HOOK2: variants seen among roughly 807,000 people sequenced by gnomAD.
HOOK2 encodes the protein protein Hook homolog 2.
In HOOK2, 108 loss-of-function variants were observed where a neutral mutation model predicts 111.9. That is an observed-to-expected ratio of 0.96 (90% CI 0.83 to 1.13). HOOK2 has a LOEUF of 1.13. Ranked by LOEUF, HOOK2 falls within the 50% of genes most tolerant of loss-of-function variation. The pLI, the probability that HOOK2 is intolerant of heterozygous loss-of-function variation, is 0.00. For synonymous variants in HOOK2, 405 were observed against 394.3 expected, an observed-to-expected ratio of 1.03 and a Z score of -0.32; for missense variants, 978 against 951.3, an observed-to-expected ratio of 1.03 and a Z score of -0.37.
At chr19:12,789,207 GAGAGACAGAGAC>G (rs879800246) in intron 3 of HOOK2, among the ~76,000 whole-genome samples, 2 of 135,020 alleles carry the variant, frequency 1.5e-5, no homozygotes, top group African/African-American at 7.0e-5. Flanking sequence ...GAGAGAGAGA[GAGAGACAGAGAC>G]AGAGACAGAG....
chr19:12,782,646 TGCGTGCGC>T (rs1211480387), upstream of HOOK2, among the ~76,000 whole-genome samples: 1 of 151,958 alleles, frequency 6.6e-6, no homozygotes, highest in Non-Finnish European at 1.5e-5. Flanking sequence ...CTGCACTGGC[TGCGTGCGC>T]GCGTGCGTGG....
rs1012017189 is a variant in HOOK2 at position 12,790,046 on chromosome 19, C to T, written n.42-15821G>A. The stretch of plus-strand genomic sequence containing the variant: ...GCCATGGCGACCAGGCCCCGCTCCT[C>T]GGCTGCGTCCCCCGCCGTCGGGCCA... On this transcript the variant is annotated intron_variant and non_coding_transcript_variant, in intron 3 of 3. Coordinates refer to the HOOK2 transcript ENST00000589765. The surrounding 1 kb of genome is among the most constrained non-coding windows in gnomAD (Gnocchi z 7.2). Among the ~76,000 whole-genome samples, 6 of 152,222 alleles carry T rather than the reference C, an allele frequency of 3.9e-5. No individual in the cohort carries two copies. The highest frequency in any genetic ancestry group is 8.8e-5 in the Non-Finnish European group (6 of 68,018).
Position 12,771,079 on chromosome 19 carries a change from G to A in HOOK2, c.762-7C>T, listed in dbSNP as rs766457016. On this transcript the variant is annotated splice_polypyrimidine_tract_variant and splice_region_variant and intron_variant, in intron 9 of 22. Coordinates refer to ENST00000397668, the MANE Select transcript of HOOK2 (RefSeq NM_013312.3). ...CTCCCTGCCACTCTCCAGCCTGGGG[G>A]TGTTGGGGGAAGAGCACATGAGGGG... 5.6e-6 allele frequency: 9 copies of A among 1,612,262 alleles called. No individual in the cohort carries two copies. The highest frequency in any genetic ancestry group is 2.7e-5 in the African/African-American group (2 of 74,894).
upstream of HOOK2, among the ~76,000 whole-genome samples, chr19:12,782,228 C>T (rs1968609530): frequency 6.6e-6 from 1 of 152,194 alleles, no homozygotes; most frequent in Non-Finnish European, 1.5e-5. Flanking sequence ...GCTCTGTTTG[C>T]GTCCCTATCA....
At chr19:12,768,908 G>C (rs926371436) in intron 11 of HOOK2, among the ~76,000 whole-genome samples, 5 of 150,750 alleles carry the variant, frequency 3.3e-5, no homozygotes, top group Middle Eastern at 3.4e-3. Context: ...AGCTATTCTC[G>C]TGCTTCAGCT....
At chr19:12,774,603 C>T (rs1391675252) in intron 3 of HOOK2, 66 bp downstream of exon 3, 2 of 1,472,548 alleles carry the variant, frequency 1.4e-6, no homozygotes, top group Non-Finnish European at 1.9e-6. Context: ...AGGACATGTG[C>T]CTAGCTGGCC....
chr19:12,771,474 G>C lies in HOOK2; in HGVS notation c.523C>G (p.Arg175Gly), dbSNP rs773872615. The C allele has an allele frequency of 6.2e-7, 1 of 1,611,016 alleles. No individual in the cohort carries two copies. The highest frequency in any genetic ancestry group is 1.7e-5 in the Admixed American group (1 of 59,638). ...ETYGNFDSQS[R>G]RYYFLSEEAE... is the part of the protein sequence containing the mutation. ...TCCTCACTTAGGAAATAGTACCTGC[G>C]GGACTGCAGAGATGAGGGGGAAGAG... Residue 175 changes from arginine to glycine, a missense_variant, in exon 8 of 23, where the codon CGC (arginine) becomes GGC (glycine). Transcript: ENST00000397668.
At chr19:12,765,275 C>T (rs1383050233) in intron 18 of HOOK2, 194 bp from the exon 19 acceptor site, 11 of 623,568 alleles carry the variant, frequency 1.8e-5, no homozygotes, top group South Asian at 3.8e-5. Context: ...CACAACCCTC[C>T]GCACCCTTAG....
rs555538109 is a variant in HOOK2 at position 12,786,761 on chromosome 19, C to T, written n.42-12536G>A. On this transcript the variant is annotated intron_variant and non_coding_transcript_variant, in intron 3 of 3. Coordinates refer to the HOOK2 transcript ENST00000589765. The surrounding 1 kb of genome is among the most constrained non-coding windows in gnomAD (Gnocchi z 4.3). ...TCCCTGTCTGGCCCAATCTCCACCC[C>T]GTGCTCAAACACCCATGCAGAGTGT... 7.9e-5 allele frequency among the ~76,000 whole-genome samples: 12 copies of T among 152,340 alleles called. No homozygotes were observed. The highest frequency in any genetic ancestry group is 3.9e-4 in the East Asian group (2 of 5,172).
Position 12,791,804 on chromosome 19 carries a change from C to T in HOOK2, n.42-17579G>A, listed in dbSNP as rs1347227944. ...CTAAAATGGAACAGCCCTTCTACCA[C>T]GACGACTCATACACAGCTACGGGAT... On this transcript the variant is annotated intron_variant and non_coding_transcript_variant, in intron 3 of 3. Coordinates refer to the HOOK2 transcript ENST00000589765. This position sits in a 1 kb window ranked among gnomAD's most constrained non-coding sequence, Gnocchi z 7.0. The T allele has an allele frequency of 4.3e-6, 7 of 1,612,542 alleles. No homozygotes were observed. The highest frequency in any genetic ancestry group is 1.3e-5 in the African/African-American group (1 of 74,876).
intron 20 of HOOK2, 58 bp from the exon 21 acceptor site, chr19:12,763,836 A>ATGTCC: frequency 8.7e-7 from 1 of 1,147,058 alleles, no homozygotes; most frequent in Non-Finnish European, 1.3e-6. Context: ...CCTGGGACAT[A>ATGTCC]CTGGGGTGTG....
At chr19:12,780,367 C>T (rs922963696), upstream of HOOK2, among the ~76,000 whole-genome samples, 2 of 151,424 alleles carry the variant, frequency 1.3e-5, no homozygotes, top group Non-Finnish European at 1.5e-5. Context: ...TTTTCTTTTT[C>T]TTTTTTTGAG....
chr19:12,781,558 C>A (rs1056275302), upstream of HOOK2, among the ~76,000 whole-genome samples: 1 of 152,006 alleles, frequency 6.6e-6, no homozygotes, highest in Admixed American at 6.5e-5. Flanking sequence ...GATCTCCAGA[C>A]CTCCTGATCC....
intron 3 of HOOK2, among the ~76,000 whole-genome samples, chr19:12,787,786 G>A (rs1324750492): frequency 6.6e-6 from 1 of 152,106 alleles, no homozygotes; most frequent in Non-Finnish European, 1.5e-5. Flanking sequence ...GCCGGGCATG[G>A]TGGCCCACGC....
intron 3 of HOOK2, chr19:12,774,151 G>A (rs933376109): frequency 1.2e-5 from 2 of 162,320 alleles, no homozygotes; most frequent in African/African-American, 4.8e-5. Flanking sequence ...TGTTGCCCAG[G>A]CTGGAGTGCA....
chr19:12,778,106 G>A (rs1336304383), upstream of HOOK2, among the ~76,000 whole-genome samples: 1 of 152,016 alleles, frequency 6.6e-6, no homozygotes, highest in African/African-American at 2.4e-5. Context: ...GCGGGGTAAT[G>A]TGCACTAATT....
chr19:12,774,666 CACCTTCAGCTTCCAGTTGGG>C lies in HOOK2; in HGVS notation c.187_204+2del. On this transcript the variant is annotated splice_donor_variant and coding_sequence_variant, in exon 3 of 23. Coordinates refer to ENST00000397668, the MANE Select transcript of HOOK2 (RefSeq NM_013312.3). LOFTEE classifies it high-confidence loss of function. ...GTCCTCTAATCAGGAGTCCACTTGT[CACCTTCAGCTTCCAGTTGGG>C]ACCTGGATCTTCCGAGATGCCCTGG... 1 of 1,614,146 alleles carries C rather than the reference CACCTTCAGCTTCCAGTTGGG, an allele frequency of 6.2e-7. No homozygotes were observed. The highest frequency in any genetic ancestry group is 8.5e-7 in the Non-Finnish European group (1 of 1,179,990).
upstream of HOOK2, among the ~76,000 whole-genome samples, chr19:12,777,105 C>T (rs529661032): frequency 6.6e-4 from 100 of 151,448 alleles, no homozygotes; most frequent in African/African-American, 2.3e-3. Context: ...TGCAGTGAGC[C>T]GAGATCGCGC....
In HOOK2 at chr19:12,765,821, G is replaced by C; in HGVS notation, c.1605+8C>G. On this transcript the variant is annotated splice_region_variant and intron_variant, in intron 17 of 22. Transcript: ENST00000397668. ...TAGGGGGTGCCATCCTGGGCCCATG[G>C]TACTTACAATGGCCTGTATGGGGCA... 1 of 1,613,212 alleles carries C rather than the reference G, an allele frequency of 6.2e-7. No homozygotes were observed. The highest frequency in any genetic ancestry group is 8.5e-7 in the Non-Finnish European group (1 of 1,179,258).
Sources: gnomAD v4.1 joint callset for allele counts (sites outside exome capture counted in the v4.1 genomes callset) on GRCh38, gnomAD v4.1.1 for gene constraint, Gnocchi (gnomAD v3.1) non-coding constraint, MANE v1.5 for transcripts, NCBI Gene and HGNC (gene_info 2026-07-23, HGNC 2026-07-21) for gene names.